Variants in CPEB3 observed in about 807,000 individuals in gnomAD.
The protein encoded by CPEB3 is cytoplasmic polyadenylation element binding protein 3.
Under a neutral mutation model 67.2 loss-of-function variants are expected in CPEB3, and 20 were observed. That is an observed-to-expected ratio of 0.30 (90% confidence interval 0.21 to 0.43). CPEB3 has a LOEUF of 0.43. Among genes scored for constraint, CPEB3 ranks in the 20% least tolerant of loss-of-function variants. The probability of loss-of-function intolerance (pLI) is 1.00; values close to 1 mark genes in which losing one functional copy is unlikely to be tolerated. For missense variants in CPEB3, 746 were observed against 968.6 expected, an observed-to-expected ratio of 0.77 and a Z score of 3.05; for synonymous variants, 376 against 393.1, an observed-to-expected ratio of 0.96 and a Z score of 0.51.
At chr10:92,161,607 T>C (rs1298321532) in intron 4 of CPEB3, among the ~76,000 whole-genome samples, 1 of 151,792 alleles carries the variant, frequency 6.6e-6, no homozygotes, top group African/African-American at 2.4e-5. Context: ...TTGTGGAATT[T>C]ATTATGTACT....
At chr10:92,275,840 C>CTTTTTTT (rs982965337) in intron 1 of CPEB3, among the ~76,000 whole-genome samples, 1 of 130,710 alleles carries the variant, frequency 7.7e-6, no homozygotes. Flanking sequence ...GTACTTCATT[C>CTTTTTTT]TTTTCTTTTT....
intron 1 of CPEB3, among the ~76,000 whole-genome samples, chr10:92,271,354 A>G (rs1272906331): frequency 6.6e-6 from 1 of 152,222 alleles, no homozygotes; most frequent in African/African-American, 2.4e-5. Context: ...ATTCAATATT[A>G]TTATCATGAG....
At position 92,239,286 on chromosome 10, in the gene CPEB3, GAGA is replaced by G; in HGVS notation, c.1005+57_1005+59del. On this transcript the variant is annotated intron_variant, in intron 2 of 9. Transcript: ENST00000265997. The surrounding 1 kb of genome is among the most constrained non-coding windows in gnomAD (Gnocchi z 6.0). ...TAAGCGGGTGGATGATTAAAAGTCA[GAGA>G]AGTGGCAAAAGGAGCGGGGCAGAGG... The G allele has an allele frequency of 6.5e-7, 1 of 1,540,110 alleles. No homozygotes were observed. The highest frequency in any genetic ancestry group is 8.8e-7 in the Non-Finnish European group (1 of 1,134,826).
intron 5 of CPEB3, among the ~76,000 whole-genome samples, chr10:92,143,997 AATATCAGACAGTATTTTT>A (rs1207497900): frequency 1.3e-5 from 2 of 152,246 alleles, no homozygotes; most frequent in Admixed American, 1.3e-4. Flanking sequence ...AGACTGTTAG[AATATCAGACAGTATTTTT>A]ATATCAGACC....
At chr10:92,191,817 A>G (rs569462258) in intron 3 of CPEB3, among the ~76,000 whole-genome samples, 1 of 152,372 alleles carries the variant, frequency 6.6e-6, no homozygotes, top group East Asian at 1.9e-4. Flanking sequence ...AAAAAGAACT[A>G]TCTGTAATTA....
chr10:92,103,307 G>A (rs183947959), intron 7 of CPEB3, among the ~76,000 whole-genome samples: 96 of 152,326 alleles, frequency 6.3e-4, no homozygotes, highest in South Asian at 5.4e-3. Context: ...CATAATAGCT[G>A]ATTCCCTTTT....
chr10:92,258,949 C>T (rs914605039), intron 1 of CPEB3, among the ~76,000 whole-genome samples: 7 of 151,050 alleles, frequency 4.6e-5, no homozygotes, highest in South Asian at 2.1e-4. Context: ...CGAGCCACCA[C>T]GCCTGGCCCT....
intron 1 of CPEB3, among the ~76,000 whole-genome samples, chr10:92,261,727 G>C (rs557526675): frequency 6.6e-6 from 1 of 152,160 alleles, no homozygotes; most frequent in Non-Finnish European, 1.5e-5. Flanking sequence ...GGGATTACAG[G>C]CATGAGCCAC....
intron 8 of CPEB3, among the ~76,000 whole-genome samples, chr10:92,087,836 C>T (rs929816246): frequency 5.9e-5 from 9 of 152,104 alleles, no homozygotes; most frequent in Admixed American, 1.3e-4. Flanking sequence ...AGAGTGGCAA[C>T]GTGTTGTACT....
chr10:92,236,193 G>A (rs1249540077), intron 2 of CPEB3, among the ~76,000 whole-genome samples: 1 of 152,128 alleles, frequency 6.6e-6, no homozygotes, highest in African/African-American at 2.4e-5. Flanking sequence ...GGAGTCCAAA[G>A]AGAATCTTAC....
At chr10:92,186,528 G>A (rs1848699776) in intron 3 of CPEB3, among the ~76,000 whole-genome samples, 1 of 151,786 alleles carries the variant, frequency 6.6e-6, no homozygotes, top group African/African-American at 2.4e-5. Context: ...TCCACCTCGT[G>A]GGTTCAAGCG....
intron 7 of CPEB3, among the ~76,000 whole-genome samples, chr10:92,110,080 A>G (rs1218281137): frequency 6.6e-6 from 1 of 152,204 alleles, no homozygotes. Flanking sequence ...TTCAGCAAGG[A>G]TTAGATGATT....
At chr10:92,154,002 A>G (rs1051753373) in intron 4 of CPEB3, among the ~76,000 whole-genome samples, 9 of 152,168 alleles carry the variant, frequency 5.9e-5, no homozygotes, top group Non-Finnish European at 1.2e-4. Context: ...ACTGCTCTAT[A>G]ACTAAGAAAT....
chr10:92,200,545 CAAAAAAA>C (rs57165866), intron 2 of CPEB3, among the ~76,000 whole-genome samples: 3 of 54,548 alleles, frequency 5.5e-5, no homozygotes, highest in African/African-American at 8.1e-5. Flanking sequence ...AACTCCGTCT[CAAAAAAA>C]AAAAAAAAAA....
intron 1 of CPEB3, among the ~76,000 whole-genome samples, chr10:92,243,724 A>T (rs1356536837): frequency 2.0e-5 from 3 of 152,192 alleles, no homozygotes. Flanking sequence ...ATAATTTTTT[A>T]AATTTTTCAG....
intron 9 of CPEB3, among the ~76,000 whole-genome samples, chr10:92,061,463 A>T (rs2134317744): frequency 6.6e-6 from 1 of 152,098 alleles, no homozygotes; most frequent in South Asian, 2.1e-4. Context: ...AGATAAAGCA[A>T]ATGTGGAACA....
intron 4 of CPEB3, among the ~76,000 whole-genome samples, chr10:92,159,529 A>C (rs1269465574): frequency 1.3e-5 from 2 of 151,794 alleles, no homozygotes; most frequent in Non-Finnish European, 2.9e-5. Flanking sequence ...AAAATTAGCC[A>C]GGCGTGATGG....
rs144253578 is a variant in CPEB3 at position 92,288,963 on chromosome 10, G to A, written c.-12+1963C>T. Among the ~76,000 whole-genome samples the A allele has an allele frequency of 5.5e-3, 844 of 152,192 alleles. 3 individuals are homozygous for A. The highest frequency in any genetic ancestry group is 0.02 in the African/African-American group (817 of 41,530). ...TAATAATTTAAAATGTTAAGACACC[G>A]GGCTGTGCACGGTGGCTCACATCTA... On this transcript the variant is annotated intron_variant, in intron 1 of 9. Coordinates refer to ENST00000265997, the MANE Select transcript of CPEB3 (RefSeq NM_014912.5).
intron 9 of CPEB3, among the ~76,000 whole-genome samples, chr10:92,065,142 TTGGGTA>T (rs1341834450): frequency 6.6e-6 from 1 of 152,170 alleles, no homozygotes; most frequent in Non-Finnish European, 1.5e-5. Flanking sequence ...GTCCCCCATA[TTGGGTA>T]ATCAATGTAT....
Sources: gnomAD v4.1 joint callset for allele counts (sites outside exome capture counted in the v4.1 genomes callset) on GRCh38, gnomAD v4.1.1 for gene constraint, Gnocchi (gnomAD v3.1) non-coding constraint, MANE v1.5 for transcripts, NCBI Gene and HGNC (gene_info 2026-07-23, HGNC 2026-07-21) for gene names.